The following SUGCT variants were observed in gnomAD, a reference collection of about 807,000 sequenced individuals.
The protein encoded by SUGCT is succinyl-CoA:glutarate CoA-transferase.
A neutral mutation model predicts 55.0 loss-of-function variants in SUGCT; 41 were observed. That is an observed-to-expected ratio of 0.74 (90% CI 0.58 to 0.97). The LOEUF is 0.97. SUGCT is among the 50% of genes least tolerant of loss of function. The probability of loss-of-function intolerance (pLI) is 0.00; values close to 1 mark genes in which losing one functional copy is unlikely to be tolerated. For synonymous variants in SUGCT, 187 were observed against 200.4 expected (o/e 0.93, Z 0.56); for missense variants, 568 against 547.8 (o/e 1.04, Z -0.37).
At chr7:40,175,984 C>T (rs146863197) in intron 1 of SUGCT, among the ~76,000 whole-genome samples, 363 of 152,166 alleles carry the variant, frequency 2.4e-3, no homozygotes, top group Middle Eastern at 6.8e-3. Context: ...GTAATGCCAG[C>T]ACTGTGGGAG....
chr7:40,328,735 G>GTGTGTA (rs1296043822), intron 9 of SUGCT, among the ~76,000 whole-genome samples: 27 of 151,988 alleles, frequency 1.8e-4, no homozygotes, highest in Admixed American at 3.9e-4. Flanking sequence ...GTGTGTATGT[G>GTGTGTA]TGTGTATGTG....
the SUGCT span, chr7:40,966,989 A>G: frequency 6.6e-6 from 1 of 152,170 alleles, no homozygotes; most frequent in Non-Finnish European, 1.5e-5. Flanking sequence ...GGTGCATCAG[A>G]CTTCATTTTT....
At chr7:41,009,161 C>G in the SUGCT span, among the ~76,000 whole-genome samples, 1 of 148,200 alleles carries the variant, frequency 6.7e-6, no homozygotes, top group Non-Finnish European at 1.5e-5. Flanking sequence ...TTATAGTGAG[C>G]CATGACAGTG....
chr7:40,932,578 T>C, the SUGCT span, among the ~76,000 whole-genome samples: 25 of 152,298 alleles, frequency 1.6e-4, no homozygotes, highest in Middle Eastern at 3.4e-3. Context: ...TGTAGGTCTC[T>C]AAGGACTTGC....
the SUGCT span, among the ~76,000 whole-genome samples, chr7:41,022,198 G>A: frequency 1.3e-5 from 2 of 152,056 alleles, no homozygotes; most frequent in Admixed American, 1.3e-4. Flanking sequence ...AAGGTCTTAA[G>A]AGCAGCTAGA....
intron 7 of SUGCT, among the ~76,000 whole-genome samples, chr7:40,258,321 C>T (rs373507018): frequency 2.6e-4 from 40 of 152,296 alleles, no homozygotes; most frequent in African/African-American, 8.7e-4. Flanking sequence ...TTTGGTGTAA[C>T]GTTAGACAGA....
intron 13 of SUGCT, 112 bp downstream of exon 13, chr7:40,749,609 A>C (rs566270336): frequency 2.5e-6 from 2 of 811,794 alleles, no homozygotes; most frequent in South Asian, 3.2e-5. Context: ...ACATTATCCA[A>C]ATTTATAACA....
chr7:40,975,731 T>TA, the SUGCT span, among the ~76,000 whole-genome samples: 1 of 152,204 alleles, frequency 6.6e-6, no homozygotes, highest in Non-Finnish European at 1.5e-5. Context: ...TGGCCAGAGT[T>TA]ACAGTGCATT....
chr7:40,923,296 G>A, the SUGCT span, among the ~76,000 whole-genome samples: 1 of 152,272 alleles, frequency 6.6e-6, no homozygotes, highest in South Asian at 2.1e-4. Flanking sequence ...TATTTATGTT[G>A]AAGATATTAC....
At chr7:40,168,231 C>A (rs992497148) in intron 1 of SUGCT, among the ~76,000 whole-genome samples, 3 of 152,120 alleles carry the variant, frequency 2.0e-5, no homozygotes, top group African/African-American at 7.2e-5. Flanking sequence ...TCAGTACCCC[C>A]CAACAGGAAA....
At chr7:40,749,649 C>T (rs953227637) in intron 13 of SUGCT, among the ~76,000 whole-genome samples, 152 bp downstream of exon 13, 4 of 152,192 alleles carry the variant, frequency 2.6e-5, no homozygotes, top group African/African-American at 7.2e-5. Flanking sequence ...TAGGACTGCA[C>T]TCACAAAAAT....
chr7:40,926,419 A>G, the SUGCT span, among the ~76,000 whole-genome samples: 7 of 152,034 alleles, frequency 4.6e-5, no homozygotes, highest in Admixed American at 6.6e-5. Context: ...ATTTCCTAAA[A>G]TTGCTGCTGG....
At chr7:40,725,544 A>G (rs1214403303) in intron 12 of SUGCT, among the ~76,000 whole-genome samples, 2 of 151,690 alleles carry the variant, frequency 1.3e-5, no homozygotes, top group African/African-American at 4.8e-5. Flanking sequence ...TGAGGGTCAT[A>G]ACAGACATTG....
intron 13 of SUGCT, among the ~76,000 whole-genome samples, chr7:40,756,877 C>A (rs1212977214): frequency 6.6e-6 from 1 of 152,086 alleles, no homozygotes; most frequent in Non-Finnish European, 1.5e-5. Flanking sequence ...CCTTAAGGGA[C>A]CAGGTTAAGC....
intron 7 of SUGCT, among the ~76,000 whole-genome samples, chr7:40,247,505 G>T (rs6961151): frequency 0.44 from 66,350 of 151,862 alleles, 14,791 homozygotes; most frequent in African/African-American, 0.53. Flanking sequence ...TGATCCACCC[G>T]CCTGGACCTC....
At chr7:40,457,936 G>A (rs1789578093) in intron 10 of SUGCT, among the ~76,000 whole-genome samples, 1 of 152,172 alleles carries the variant, frequency 6.6e-6, no homozygotes, top group Admixed American at 6.6e-5. Context: ...TCTTGGATCA[G>A]GTGTTGTGAC....
intron 1 of SUGCT, among the ~76,000 whole-genome samples, chr7:40,177,523 G>C (rs1461476209): frequency 1.3e-5 from 2 of 152,152 alleles, no homozygotes; most frequent in East Asian, 3.9e-4. Context: ...TTTTGAAATA[G>C]TACAATTATT....
intron 9 of SUGCT, among the ~76,000 whole-genome samples, chr7:40,429,888 G>A (rs1344038327): frequency 6.6e-6 from 1 of 152,104 alleles, no homozygotes; most frequent in African/African-American, 2.4e-5. Flanking sequence ...TGGATTTTTA[G>A]AAATTTAGAT....
intron 8 of SUGCT, among the ~76,000 whole-genome samples, chr7:40,304,534 A>G (rs752267924): frequency 2.0e-4 from 31 of 151,388 alleles, no homozygotes; most frequent in African/African-American, 5.8e-4. Context: ...TGGTGCACCC[A>G]TCACCTGAGC....
Sources: allele counts gnomAD v4.1 joint callset (sites outside exome capture counted in the v4.1 genomes callset), GRCh38; gene constraint gnomAD v4.1.1; transcripts MANE v1.5; gene names NCBI Gene and HGNC (gene_info 2026-07-23, HGNC 2026-07-21).